ZNF652: variants seen among roughly 807,000 people sequenced by gnomAD.
ZNF652 encodes zinc finger protein 652.
ZNF652 carries 16 observed loss-of-function variants against 45.2 expected under a neutral mutation model. That is an observed-to-expected ratio of 0.35 (90% CI 0.24 to 0.54). The LOEUF (loss-of-function observed/expected upper bound fraction) is 0.54, where lower values mean the gene tolerates loss of function less well. Ranked by LOEUF, ZNF652 falls within the 20% of genes least tolerant of loss-of-function variation. The pLI, the probability that ZNF652 is intolerant of heterozygous loss-of-function variation, is 0.91. For missense variants in ZNF652, 614 were observed against 765.6 expected (o/e 0.80, Z 2.34); for synonymous variants, 250 against 260.6 (o/e 0.96, Z 0.39).
rs951244454 is a variant in ZNF652, at chr17:49,296,930, G to A, written c.*1483C>T. The A allele has an allele frequency of 1.3e-5, 2 of 152,160 alleles. No homozygotes were observed. The highest frequency in any genetic ancestry group is 4.8e-5 in the African/African-American group (2 of 41,420). 9.4% of individuals were successfully genotyped at this position (152,160 alleles called of 1,614,324 possible). A position where few individuals can be genotyped will look rare whatever the true frequency, so the allele number is the denominator to read the frequency against. ...AGCTCCTGGTTGATTATGGTCTTTT[G>A]AAGTTCCCCAAACTTGAAAAAGTAA... On this transcript the variant is annotated 3_prime_UTR_variant, in exon 6 of 6. Coordinates refer to ENST00000430262, the MANE Select transcript of ZNF652 (RefSeq NM_001145365.3).
chr17:49,359,748 T>C (rs1206892728), intron 1 of ZNF652, among the ~76,000 whole-genome samples: 1 of 152,196 alleles, frequency 6.6e-6, no homozygotes, highest in Non-Finnish European at 1.5e-5. Context: ...ATTCTATATA[T>C]GGAGGCTGAA....
chr17:49,305,203 A>T (rs1437007249), intron 5 of ZNF652, among the ~76,000 whole-genome samples: 3 of 152,322 alleles, frequency 2.0e-5, no homozygotes, highest in South Asian at 2.1e-4. Context: ...AATAAATTTT[A>T]AAAAGTTCAT....
Position 49,312,707 on chromosome 17 carries a change from G to A in ZNF652, c.1039C>T (p.His347Tyr). 2 of 1,613,228 alleles carry A rather than the reference G, an allele frequency of 1.2e-6. No individual in the cohort carries two copies. The highest frequency in any genetic ancestry group is 1.7e-6 in the Non-Finnish European group (2 of 1,179,786). The change falls in exon 3 of 6, where the codon CAC becomes TAC. Residue 347 changes from histidine (H) to tyrosine (Y), a missense_variant. Around this residue, in one of 5 missense-constraint regions of ZNF652, gnomAD observed 262 missense variants for 306.3 expected, o/e 0.86. Transcript: ENST00000430262. ...AAGCAGAAAAACTTACCAACCATGT[G>A]TTTCCGCACATGAGCCATGGTATAG... is the stretch of plus-strand genomic sequence containing the variant. ...KFYTMAHVRKHMVAHTKDMPF... is the reference protein window; with the variant it reads ...KFYTMAHVRKYMVAHTKDMPF...
chr17:49,316,877 C>T lies in ZNF652; in HGVS notation c.849G>A (p.Leu283=). 1.2e-6 allele frequency: 2 copies of T among 1,614,046 alleles called. No individual in the cohort carries two copies. Among genetic ancestry groups the T allele is most frequent in the Admixed American group, 1.7e-5 (1 of 59,992 alleles). ...ICDKCGKKFV[L]ESELSLHQQT... is the part of the protein sequence containing the mutation. ...GCTGGTGAAGGGACAGCTCACTTTC[C>T]AGGACAAACTTCTTGCCACATTTAT... Residue 283 remains leucine, a synonymous_variant, in exon 2 of 6, where the codon CTG becomes CTA. Coordinates refer to ENST00000430262, the MANE Select transcript of ZNF652 (RefSeq NM_001145365.3).
In ZNF652 at chr17:49,304,299, G is replaced by T. The variant is rs185357015; in HGVS notation, c.1310-5375C>A. ...AATGCCTGGATTCAAATTAAAATTGGTTTTTTTTACTGCTTAGTAATCTTT... is the reference window on the plus strand; with the variant it reads ...AATGCCTGGATTCAAATTAAAATTGTTTTTTTTTACTGCTTAGTAATCTTT... On this transcript the variant is annotated intron_variant, in intron 5 of 5. Transcript: ENST00000430262. Among the ~76,000 whole-genome samples the T allele has an allele frequency of 7.4e-4, 113 of 151,764 alleles. 1 individual carries two copies. The highest frequency in any genetic ancestry group is 1.2e-3 in the Admixed American group (19 of 15,240).
At chr17:49,305,980 G>A (rs1055648648) in intron 5 of ZNF652, among the ~76,000 whole-genome samples, 10 of 152,160 alleles carry the variant, frequency 6.6e-5, no homozygotes, top group African/African-American at 9.7e-5. Context: ...AGACCTATCC[G>A]CATCCCCTTC....
At chr17:49,326,241 T>TAAAAAAAAA (rs56916451) in intron 1 of ZNF652, among the ~76,000 whole-genome samples, 1 of 94,036 alleles carries the variant, frequency 1.1e-5, no homozygotes, top group African/African-American at 4.0e-5. Flanking sequence ...ACCCCATCTC[T>TAAAAAAAAA]AAAAAAAAAA....
In ZNF652 at chr17:49,347,851, C is replaced by T. The variant is rs2070223351; in HGVS notation, c.-259+14058G>A. Among the ~76,000 whole-genome samples the T allele has an allele frequency of 2.0e-5, 3 of 150,276 alleles. No homozygotes were observed. The Admixed American group carries it at 2.0e-4, about 10-fold the overall frequency. ...CCTCAACCTCCTAGGCTCAATCACTCCTGCCACCTCACCTTCCCAAATAGC... is the reference window on the plus strand; with the variant it reads ...CCTCAACCTCCTAGGCTCAATCACTTCTGCCACCTCACCTTCCCAAATAGC... On this transcript the variant is annotated intron_variant, in intron 1 of 5. Coordinates refer to ENST00000430262, the MANE Select transcript of ZNF652 (RefSeq NM_001145365.3).
intron 1 of ZNF652, among the ~76,000 whole-genome samples, chr17:49,356,847 C>A (rs1404044381): frequency 6.6e-6 from 1 of 152,112 alleles, no homozygotes; most frequent in Non-Finnish European, 1.5e-5. Flanking sequence ...AGACTTATCA[C>A]AACGCTATCC....
chr17:49,331,115 ATG>A (rs1447787118), intron 1 of ZNF652, among the ~76,000 whole-genome samples: 61 of 142,926 alleles, frequency 4.3e-4, no homozygotes, highest in African/African-American at 1.5e-3. Flanking sequence ...GGGCTTATGA[ATG>A]TGTCTTTTTT....
intron 1 of ZNF652, among the ~76,000 whole-genome samples, chr17:49,344,374 GAA>G (rs1019972327): frequency 1.3e-5 from 2 of 150,032 alleles, no homozygotes; most frequent in Non-Finnish European, 3.0e-5. Flanking sequence ...CAAAAAACAA[GAA>G]AAAAAAATTT....
At chr17:49,327,755 ATATATATATATATATATATATATATTT>A (rs1262724401) in intron 1 of ZNF652, among the ~76,000 whole-genome samples, 2,507 of 11,276 alleles carry the variant, frequency 0.22, 162 homozygotes, top group African/African-American at 0.39. Context: ...ATATATATAT[ATATATATATATATATATATATATATTT>A]TTTTTTTTTT....
chr17:49,357,117 T>C (rs761102315), intron 1 of ZNF652, among the ~76,000 whole-genome samples: 22 of 151,450 alleles, frequency 1.5e-4, no homozygotes, highest in Non-Finnish European at 2.6e-4. Flanking sequence ...ACCAATATGG[T>C]GAAACCCCAT....
chr17:49,311,999 T>C lies in ZNF652; in HGVS notation c.1092A>G (p.Lys364=), dbSNP rs1351423571. ...TGAGTGACATACTGCGTTTGAATGA[T>C]TTTCCACAGGTTTCGCATGTAAATG... ...DMPFTCETCG[K]SFKRSMSLKV... The change falls in exon 4 of 6, where the codon AAA becomes AAG. Residue 364 remains lysine, a synonymous_variant. Transcript: ENST00000430262. 2 of 1,613,976 alleles carry C rather than the reference T, an allele frequency of 1.2e-6. No homozygotes were observed. The highest frequency in any genetic ancestry group is 1.3e-5 in the African/African-American group (1 of 75,054).
At chr17:49,315,586 T>C (rs2069791710) in intron 2 of ZNF652, among the ~76,000 whole-genome samples, 2 of 150,414 alleles carry the variant, frequency 1.3e-5, no homozygotes. Flanking sequence ...CCACAAAACC[T>C]ATATATAAAG....
Position 49,295,428 on chromosome 17 carries a change from A to G in ZNF652, c.*2985T>C. The G allele has an allele frequency of 7.4e-6, 1 of 134,524 alleles. No individual in the cohort carries two copies. The highest frequency in any genetic ancestry group is 2.2e-4 in the East Asian group (1 of 4,480). 8.3% of individuals were successfully genotyped at this position (134,524 alleles called of 1,614,324 possible). ...TAATTTTTAAAAATAATATATATAT[A>G]TATTTTTGTTTCTGTTAAGGATGGT... On this transcript the variant is annotated 3_prime_UTR_variant, in exon 6 of 6. Coordinates refer to ENST00000430262, the MANE Select transcript of ZNF652 (RefSeq NM_001145365.3).
intron 2 of ZNF652, among the ~76,000 whole-genome samples, chr17:49,313,992 A>G (rs1333354672): frequency 3.6e-5 from 5 of 138,184 alleles, no homozygotes; most frequent in East Asian, 4.5e-4. Context: ...AAAAAAAAAA[A>G]AAAAAAAAAA....
chr17:49,312,142 T>A, intron 3 of ZNF652, 100 bp from the exon 4 acceptor site: 3 of 477,568 alleles, frequency 6.3e-6, no homozygotes, highest in Non-Finnish European at 1.1e-5. Flanking sequence ...CCTAATTTTC[T>A]ACACTGATTT....
chr17:49,352,493 A>G (rs2070292942), intron 1 of ZNF652, among the ~76,000 whole-genome samples: 1 of 152,230 alleles, frequency 6.6e-6, no homozygotes, highest in Non-Finnish European at 1.5e-5. Flanking sequence ...CTACATAAAA[A>G]TATTAACAGT....
Sources: gnomAD v4.1 joint callset for allele counts (sites outside exome capture counted in the v4.1 genomes callset) on GRCh38, gnomAD v4.1.1 for gene constraint, gnomAD v4.1.1 regional missense constraint, MANE v1.5 for transcripts, NCBI Gene and HGNC (gene_info 2026-07-23, HGNC 2026-07-21) for gene names.